Variants in CRB1 observed in about 807,000 individuals in gnomAD.
CRB1 encodes the protein protein crumbs homolog 1.
Under a neutral mutation model 120.0 loss-of-function variants are expected in CRB1, and 83 were observed. The ratio of observed to expected loss-of-function variants is 0.69; its 90% CI spans 0.58 to 0.83. CRB1 has a LOEUF of 0.83. Among genes scored for constraint, CRB1 ranks in the 40% least tolerant of loss-of-function variants. The pLI is 0.00. For synonymous variants in CRB1, 625 were observed against 612.5 expected (o/e 1.02, Z -0.30); for missense variants, 1,699 against 1,687.6 (o/e 1.01, Z -0.12).
the CRB1 span, among the ~76,000 whole-genome samples, chr1:197,245,646 T>G: frequency 1.3e-5 from 2 of 152,140 alleles, no homozygotes; most frequent in African/African-American, 4.8e-5. Flanking sequence ...CTTTTTGCTG[T>G]TATGAATAAT....
At chr1:197,460,001 CTTT>C (rs10679172) in intron 11 of CRB1, among the ~76,000 whole-genome samples, 6 of 75,614 alleles carry the variant, frequency 7.9e-5, no homozygotes, top group Non-Finnish European at 1.0e-4. Context: ...AAGCCCCCCT[CTTT>C]TTTTTTTTTT....
At chr1:197,259,825 A>G in the CRB1 span, among the ~76,000 whole-genome samples, 1 of 152,134 alleles carries the variant, frequency 6.6e-6, no homozygotes, top group East Asian at 1.9e-4. Context: ...TATCTGGAAG[A>G]TAAACTGTAC....
At chr1:197,420,012 A>T (rs965969478) in intron 5 of CRB1, among the ~76,000 whole-genome samples, 1 of 150,728 alleles carries the variant, frequency 6.6e-6, no homozygotes, top group African/African-American at 2.4e-5. Flanking sequence ...AACAAAAAAA[A>T]CTAGTTAATG....
At position 197,427,745 on chromosome 1, in the gene CRB1, T is replaced by C. The variant is rs1664667136; in HGVS notation, c.2420T>C (p.Leu807Pro). The C allele has an allele frequency of 6.2e-7, 1 of 1,614,050 alleles. No homozygotes were observed. Residue 807 changes from leucine to proline, a missense_variant, in exon 7 of 12, where the codon CTG becomes CCG. Leu to Pro is a moderately conservative substitution (Grantham distance 98). Coordinates refer to ENST00000367400, the MANE Select transcript of CRB1 (RefSeq NM_201253.3). ...SLKIKPYKIE[L>P]YQSSQNLGFI... ...AAAATCAAGCCATATAAAATTGAAC[T>C]GTATCAGTCTTCACAAAACCTAGGA...
intron 2 of CRB1, among the ~76,000 whole-genome samples, chr1:197,342,694 G>A (rs927733876): frequency 3.9e-5 from 6 of 151,990 alleles, no homozygotes; most frequent in African/African-American, 1.5e-4. Flanking sequence ...TTTTAGAGTT[G>A]TCTTTGCTTC....
At chr1:197,226,673 C>T in the CRB1 span, among the ~76,000 whole-genome samples, 5 of 152,126 alleles carry the variant, frequency 3.3e-5, no homozygotes, top group African/African-American at 1.2e-4. Flanking sequence ...TCTCTCTCTC[C>T]GTGTGTGTTC....
intron 6 of CRB1, chr1:197,422,934 C>G (rs1166130099): frequency 6.6e-6 from 1 of 152,142 alleles, no homozygotes; most frequent in Non-Finnish European, 1.5e-5. Flanking sequence ...TTATTAGAAA[C>G]TACTCAAGGG....
chr1:197,357,901 A>G (rs1660574312), intron 5 of CRB1: 4 of 152,182 alleles, frequency 2.6e-5, no homozygotes, highest in Admixed American at 2.0e-4. Context: ...TTATTCACTG[A>G]CCTTTCAAGG....
At chr1:197,396,374 CG>C (rs1158611443) in intron 5 of CRB1, among the ~76,000 whole-genome samples, 1 of 152,054 alleles carries the variant, frequency 6.6e-6, no homozygotes. Context: ...AAATACTCAA[CG>C]TTGCTAAAAT....
the CRB1 span, among the ~76,000 whole-genome samples, chr1:197,247,942 CATAGAT>C: frequency 6.6e-6 from 1 of 151,926 alleles, no homozygotes; most frequent in Non-Finnish European, 1.5e-5. Context: ...AATCTAGAAA[CATAGAT>C]ATAGTATACT....
In CRB1 at chr1:197,432,249, G is replaced by T. The variant is rs187777662; in HGVS notation, c.2843-2457G>T. Among the ~76,000 whole-genome samples the T allele has an allele frequency of 2.0e-5, 3 of 152,072 alleles. No homozygotes were observed. In the East Asian group the frequency reaches 5.8e-4, roughly 29 times the overall value. ...ATTATAGACCATAGTCTTCATTTCAGAGTTGGAGAATTTTGGAGATTTTTT... is the reference window on the plus strand; with the variant it reads ...ATTATAGACCATAGTCTTCATTTCATAGTTGGAGAATTTTGGAGATTTTTT... On this transcript the variant is annotated intron_variant, in intron 8 of 11. Coordinates refer to ENST00000367400, the MANE Select transcript of CRB1 (RefSeq NM_201253.3).
chr1:197,438,862 C>A, intron 10 of CRB1, 187 bp downstream of exon 10: 1 of 584,490 alleles, frequency 1.7e-6, no homozygotes, highest in Non-Finnish European at 2.9e-6. Context: ...AAGGGGAGAA[C>A]ATTTTATTAG....
chr1:197,429,059 G>A (rs1283069790), intron 7 of CRB1: 4 of 1,494,238 alleles, frequency 2.7e-6, no homozygotes, highest in Admixed American at 3.9e-5. Flanking sequence ...TTCTGTGTAG[G>A]ATCTTGGGCA....
intron 5 of CRB1, among the ~76,000 whole-genome samples, chr1:197,378,081 T>C (rs1661740238): frequency 6.6e-6 from 1 of 152,222 alleles, no homozygotes; most frequent in Non-Finnish European, 1.5e-5. Context: ...TTTGTTGACA[T>C]GTAAGTTTTC....
chr1:197,210,711 A>C, the CRB1 span, among the ~76,000 whole-genome samples: 5 of 152,144 alleles, frequency 3.3e-5, no homozygotes, highest in African/African-American at 1.2e-4. Flanking sequence ...TGATTTCTTC[A>C]TTCATGTAGT....
chr1:197,255,748 T>G, the CRB1 span, among the ~76,000 whole-genome samples: 5 of 151,680 alleles, frequency 3.3e-5, no homozygotes, highest in Non-Finnish European at 5.9e-5. Context: ...GATCTAGGGG[T>G]AATAAAGCAA....
At chr1:197,428,825 G>A (rs1558132985) in intron 7 of CRB1, 18 of 729,424 alleles carry the variant, frequency 2.5e-5, no homozygotes, top group Admixed American at 3.0e-5. Flanking sequence ...GAAAGGTTAT[G>A]TAACTAGCCT....
intron 10 of CRB1, chr1:197,440,462 G>A (rs1003913647): frequency 6.6e-6 from 1 of 152,152 alleles, no homozygotes; most frequent in Non-Finnish European, 1.5e-5. Context: ...CATTGAACCT[G>A]TGTTCAGTAG....
intron 5 of CRB1, among the ~76,000 whole-genome samples, chr1:197,408,509 G>A (rs756974186): frequency 2.0e-5 from 3 of 151,994 alleles, no homozygotes; most frequent in Non-Finnish European, 4.4e-5. Flanking sequence ...TAATATACTT[G>A]GCCTTTGATA....
Sources: allele counts gnomAD v4.1 joint callset (sites outside exome capture counted in the v4.1 genomes callset), GRCh38; gene constraint gnomAD v4.1.1; transcripts MANE v1.5; gene names NCBI Gene and HGNC (gene_info 2026-07-23, HGNC 2026-07-21).